Variants in MNAT1 observed in about 807,000 individuals in gnomAD.
MNAT1 encodes the protein MNAT1 component of CDK activating kinase.
In MNAT1, 43 loss-of-function variants were observed where a neutral mutation model predicts 42.0. The ratio of observed to expected loss-of-function variants is 1.02; its 90% CI spans 0.80 to 1.32. The LOEUF (loss-of-function observed/expected upper bound fraction) is 1.32, where lower values mean the gene tolerates loss of function less well. Among genes scored for constraint, MNAT1 ranks in the 40% most tolerant of loss-of-function variants. The probability of loss-of-function intolerance (pLI) is 0.00; values close to 1 mark genes in which losing one functional copy is unlikely to be tolerated. For synonymous variants in MNAT1, 118 were observed against 120.0 expected, an observed-to-expected ratio of 0.98 and a Z score of 0.11; for missense variants, 306 against 350.4, an observed-to-expected ratio of 0.87 and a Z score of 1.01.
chr14:60,918,744 A>ATG (rs2139546501), intron 7 of MNAT1, among the ~76,000 whole-genome samples: 1 of 147,594 alleles, frequency 6.8e-6, no homozygotes, highest in Non-Finnish European at 1.5e-5. Context: ...GAATATATAT[A>ATG]TATATATATA....
intron 7 of MNAT1, among the ~76,000 whole-genome samples, chr14:60,887,229 T>G (rs2034697622): frequency 6.6e-6 from 1 of 152,096 alleles, no homozygotes; most frequent in African/African-American, 2.4e-5. Flanking sequence ...TTTGTTTGTT[T>G]TTTGTTTTTA....
chr14:60,759,021 T>C (rs892184625), intron 1 of MNAT1, among the ~76,000 whole-genome samples: 4 of 152,152 alleles, frequency 2.6e-5, no homozygotes, highest in Non-Finnish European at 5.9e-5. Flanking sequence ...TGTAGTTCAG[T>C]ATTTTCAAAC....
At chr14:60,915,179 A>G (rs1253163146) in intron 7 of MNAT1, among the ~76,000 whole-genome samples, 2 of 152,030 alleles carry the variant, frequency 1.3e-5, no homozygotes. Flanking sequence ...TCTACTATTT[A>G]CCTCTGTATT....
chr14:60,901,028 A>G (rs2035062528), intron 7 of MNAT1, among the ~76,000 whole-genome samples: 2 of 149,440 alleles, frequency 1.3e-5, no homozygotes, highest in South Asian at 4.2e-4. Flanking sequence ...AAAAAAAAAA[A>G]AAAAAAAAAA....
intron 6 of MNAT1, among the ~76,000 whole-genome samples, chr14:60,865,127 A>ATTGTC (rs1418704449): frequency 8.5e-5 from 13 of 152,086 alleles, no homozygotes; most frequent in Admixed American, 4.6e-4. Flanking sequence ...TCTAAATAAA[A>ATTGTC]TGTGGTCTCT....
intron 1 of MNAT1, among the ~76,000 whole-genome samples, chr14:60,773,968 G>C (rs2031159033): frequency 1.3e-5 from 2 of 152,314 alleles, no homozygotes; most frequent in South Asian, 4.2e-4. Context: ...TCCCTGGGAA[G>C]AGCACAGAAT....
At chr14:60,852,053 TTGGG>T (rs2033836808) in intron 6 of MNAT1, among the ~76,000 whole-genome samples, 2 of 150,708 alleles carry the variant, frequency 1.3e-5, no homozygotes, top group South Asian at 4.2e-4. Flanking sequence ...TTATAATCCT[TTGGG>T]ATTGCTGGGT....
At chr14:60,768,352 C>G (rs2030919340) in intron 1 of MNAT1, among the ~76,000 whole-genome samples, 1 of 152,202 alleles carries the variant, frequency 6.6e-6, no homozygotes, top group Non-Finnish European at 1.5e-5. Flanking sequence ...TGAAGAGTTA[C>G]ATGTTTAATA....
At chr14:60,960,029 A>C (rs2036560388) in intron 7 of MNAT1, among the ~76,000 whole-genome samples, 1 of 151,406 alleles carries the variant, frequency 6.6e-6, no homozygotes, top group Non-Finnish European at 1.5e-5. Context: ...CCATTGTATC[A>C]ATAACAAGTT....
chr14:60,942,003 CAAAAAA>C (rs3080602), intron 7 of MNAT1, among the ~76,000 whole-genome samples: 44 of 29,942 alleles, frequency 1.5e-3, no homozygotes, highest in African/African-American at 6.5e-3. Context: ...GGCTCCATCT[CAAAAAA>C]AAAAAAAAAA....
At chr14:60,829,890 G>T (rs939131101) in intron 6 of MNAT1, among the ~76,000 whole-genome samples, 4 of 152,120 alleles carry the variant, frequency 2.6e-5, no homozygotes, top group African/African-American at 9.7e-5. Context: ...TAATTATATT[G>T]AGTGCCAATC....
chr14:60,936,175 G>A (rs1166344534), intron 7 of MNAT1, among the ~76,000 whole-genome samples: 1 of 152,172 alleles, frequency 6.6e-6, no homozygotes, highest in Non-Finnish European at 1.5e-5. Flanking sequence ...AGCATCTGAT[G>A]TAAACACTTG....
intron 7 of MNAT1, among the ~76,000 whole-genome samples, chr14:60,889,717 A>G (rs572547582): frequency 2.0e-5 from 3 of 152,348 alleles, no homozygotes; most frequent in South Asian, 4.1e-4. Flanking sequence ...CAAAGAGCTA[A>G]TATCCAGAAT....
intron 6 of MNAT1, among the ~76,000 whole-genome samples, chr14:60,832,352 G>A (rs185195238): frequency 5.6e-4 from 86 of 152,216 alleles, no homozygotes; most frequent in Middle Eastern, 3.4e-3. Flanking sequence ...GTTAATTTTT[G>A]TATAAGTTGT....
chr14:60,874,614 A>G (rs1251874504), intron 6 of MNAT1, among the ~76,000 whole-genome samples: 2 of 151,882 alleles, frequency 1.3e-5, no homozygotes, highest in African/African-American at 4.8e-5. Flanking sequence ...TCAATACTCT[A>G]TAGCACTTAA....
chr14:60,854,202 A>C (rs1222050246), intron 6 of MNAT1, among the ~76,000 whole-genome samples: 1 of 152,080 alleles, frequency 6.6e-6, no homozygotes, highest in Non-Finnish European at 1.5e-5. Flanking sequence ...AGTTCTTGTA[A>C]CTTTTTGTCA....
intron 6 of MNAT1, among the ~76,000 whole-genome samples, chr14:60,875,101 AT>A (rs1283018397): frequency 6.6e-6 from 1 of 152,002 alleles, no homozygotes; most frequent in Non-Finnish European, 1.5e-5. Context: ...AGTAATGTTT[AT>A]TTCTCTCTAA....
chr14:60,887,586 G>C (rs1321198465), intron 7 of MNAT1, among the ~76,000 whole-genome samples: 1 of 151,556 alleles, frequency 6.6e-6, no homozygotes, highest in Admixed American at 6.6e-5. Flanking sequence ...TGGCTGCATA[G>C]TATTCCATGG....
At chr14:60,831,311 A>G (rs550410620) in intron 6 of MNAT1, among the ~76,000 whole-genome samples, 11 of 152,038 alleles carry the variant, frequency 7.2e-5, no homozygotes, top group African/African-American at 2.7e-4. Context: ...TATTTCTTCT[A>G]ATGCTATCCC....
Sources: gnomAD v4.1 joint callset for allele counts (sites outside exome capture counted in the v4.1 genomes callset) on GRCh38, gnomAD v4.1.1 for gene constraint, MANE v1.5 for transcripts, NCBI Gene and HGNC (gene_info 2026-07-23, HGNC 2026-07-21) for gene names.